The following SPIN1 variants were observed in gnomAD, a reference collection of about 807,000 sequenced individuals.
SPIN1 encodes spindlin 1.
In SPIN1, 3 loss-of-function variants were observed where a neutral mutation model predicts 26.0. The ratio of observed to expected loss-of-function variants is 0.12; its 90% confidence interval spans 0.05 to 0.30. The LOEUF is 0.30. SPIN1 is among the 10% of genes least tolerant of loss of function. The pLI, the probability that SPIN1 is intolerant of heterozygous loss-of-function variation, is 1.00. For missense variants in SPIN1, 126 were observed against 333.4 expected (o/e 0.38, Z 4.84); for synonymous variants, 101 against 116.5 (o/e 0.87, Z 0.86).
chr9:88,392,619 C>G (rs1175642025), intron 1 of SPIN1, among the ~76,000 whole-genome samples: 1 of 152,004 alleles, frequency 6.6e-6, no homozygotes, highest in Admixed American at 6.6e-5. Flanking sequence ...TTCCTTCCTT[C>G]TTTCCTTCCT....
intron 2 of SPIN1, among the ~76,000 whole-genome samples, chr9:88,432,990 A>G (rs1290641627): frequency 2.0e-5 from 3 of 152,120 alleles, no homozygotes; most frequent in Admixed American, 1.3e-4. Flanking sequence ...AGCTGGGAAT[A>G]CAGGCACATG....
chr9:88,472,391 C>T (rs894513198), intron 5 of SPIN1, among the ~76,000 whole-genome samples: 41 of 152,220 alleles, frequency 2.7e-4, no homozygotes, highest in Admixed American at 2.4e-3. Flanking sequence ...CATGCCACCT[C>T]GCCTAGCTCA....
chr9:88,398,541 G>T (rs780684449), intron 1 of SPIN1, among the ~76,000 whole-genome samples: 5 of 152,030 alleles, frequency 3.3e-5, no homozygotes, highest in Non-Finnish European at 7.4e-5. Flanking sequence ...ACAGGTGTTT[G>T]TCATACAGTG....
intron 3 of SPIN1, among the ~76,000 whole-genome samples, chr9:88,449,318 G>T (rs930995753): frequency 2.6e-5 from 4 of 152,036 alleles, no homozygotes; most frequent in African/African-American, 7.2e-5. Context: ...AGCCTTGCGT[G>T]CAGGCTTCCT....
chr9:88,469,066 CT>C (rs1828725284), intron 5 of SPIN1, among the ~76,000 whole-genome samples: 1 of 152,184 alleles, frequency 6.6e-6, no homozygotes, highest in Non-Finnish European at 1.5e-5. Flanking sequence ...GATCTTCAGC[CT>C]TTTTGTCACC....
intron 2 of SPIN1, among the ~76,000 whole-genome samples, chr9:88,441,853 T>C (rs1828139904): frequency 6.7e-6 from 1 of 148,820 alleles, no homozygotes; most frequent in Admixed American, 6.7e-5. Flanking sequence ...ATGTTACATA[T>C]TTATTATAAT....
chr9:88,390,173 A>G (rs1826888367), intron 1 of SPIN1, among the ~76,000 whole-genome samples: 1 of 152,238 alleles, frequency 6.6e-6, no homozygotes, highest in African/African-American at 2.4e-5. Flanking sequence ...ATATGTCTTC[A>G]GTCATCTTTC....
At chr9:88,455,598 T>A (rs948333742) in intron 3 of SPIN1, among the ~76,000 whole-genome samples, 2 of 152,220 alleles carry the variant, frequency 1.3e-5, no homozygotes, top group Admixed American at 6.5e-5. Flanking sequence ...ATGTATATTT[T>A]AAAAAACTTT....
chr9:88,440,909 T>G, intron 2 of SPIN1, among the ~76,000 whole-genome samples: 1 of 148,140 alleles, frequency 6.8e-6, no homozygotes, highest in South Asian at 2.4e-4. Flanking sequence ...TCCCTTCCCC[T>G]CCCCTTTGTG....
chr9:88,407,350 G>C (rs1364513519), intron 1 of SPIN1, among the ~76,000 whole-genome samples: 1 of 151,764 alleles, frequency 6.6e-6, no homozygotes, highest in East Asian at 2.0e-4. Flanking sequence ...TTGCCATATT[G>C]CCCAGGCTGG....
At chr9:88,462,134 CCTT>C (rs200456502) in intron 3 of SPIN1, among the ~76,000 whole-genome samples, 1,920 of 152,200 alleles carry the variant, frequency 0.013, 33 homozygotes, top group African/African-American at 0.044. Flanking sequence ...ACGGATCAGT[CCTT>C]CTTTAATTAA....
chr9:88,466,418 A>T (rs1828669275), intron 4 of SPIN1, among the ~76,000 whole-genome samples: 1 of 152,134 alleles, frequency 6.6e-6, no homozygotes, highest in Admixed American at 6.5e-5. Flanking sequence ...TGGGGCTCAA[A>T]GTGCTAGGAT....
chr9:88,439,312 A>G (rs1012206563), intron 2 of SPIN1, among the ~76,000 whole-genome samples: 7 of 152,192 alleles, frequency 4.6e-5, no homozygotes, highest in South Asian at 2.1e-4. Context: ...AGTGTCAGGA[A>G]TGATGATGAT....
At chr9:88,405,791 C>T (rs140588390) in intron 1 of SPIN1, among the ~76,000 whole-genome samples, 108 of 151,992 alleles carry the variant, frequency 7.1e-4, no homozygotes, top group African/African-American at 2.5e-3. Flanking sequence ...ACCACAAAGA[C>T]GGCTATGAAA....
chr9:88,445,137 T>C (rs1828220517), intron 2 of SPIN1, among the ~76,000 whole-genome samples: 1 of 152,186 alleles, frequency 6.6e-6, no homozygotes, highest in African/African-American at 2.4e-5. Flanking sequence ...TGTGTGTAAG[T>C]TGGGGATTGA....
At chr9:88,422,872 G>C (rs920348557) in intron 1 of SPIN1, among the ~76,000 whole-genome samples, 12 of 152,130 alleles carry the variant, frequency 7.9e-5, no homozygotes, top group African/African-American at 2.9e-4. Context: ...ACCATGCCTG[G>C]CTAATTTTTG....
rs745590731 is a variant in SPIN1 at position 88,444,236 on chromosome 9, A to ATTTTT, written c.53-4687_53-4683dup. Among the ~76,000 whole-genome samples, 7 of 102,430 alleles carry ATTTTT rather than the reference A, an allele frequency of 6.8e-5. 1 individual carries two copies. The highest frequency in any genetic ancestry group is 1.1e-4 in the Non-Finnish European group (6 of 52,582). The allele number at this position is 102,430 out of a possible 152,430, so 67.2% of individuals were successfully genotyped here. ...TCCCTTTTCATAGCCTCTTGTTCCC[A>ATTTTT]TTTTTTTTTTTTTTTTTTTTTTGAG... On this transcript the variant is annotated intron_variant, in intron 2 of 5. Coordinates refer to ENST00000375859, the MANE Select transcript of SPIN1 (RefSeq NM_006717.3).
chr9:88,456,592 G>C (rs1332358035), intron 3 of SPIN1, among the ~76,000 whole-genome samples: 1 of 152,198 alleles, frequency 6.6e-6, no homozygotes, highest in Non-Finnish European at 1.5e-5. Flanking sequence ...CTTAGCCTCT[G>C]TGCAGCTACC....
intron 1 of SPIN1, among the ~76,000 whole-genome samples, chr9:88,408,971 T>TGTGTG (rs1827373828): frequency 1.6e-5 from 2 of 122,484 alleles, no homozygotes; most frequent in African/African-American, 9.6e-5. Context: ...CCTTTTGTGT[T>TGTGTG]TGTGTGTGTT....
Sources: gnomAD v4.1 joint callset for allele counts (sites outside exome capture counted in the v4.1 genomes callset) on GRCh38, gnomAD v4.1.1 for gene constraint, MANE v1.5 for transcripts, NCBI Gene and HGNC (gene_info 2026-07-23, HGNC 2026-07-21) for gene names.